The following CNTN5 variants were observed in gnomAD, a reference collection of about 807,000 sequenced individuals.
CNTN5 encodes contactin-5.
In CNTN5, 77 loss-of-function variants were observed where a neutral mutation model predicts 129.1. The observed-to-expected ratio is 0.60, with a 90% CI of 0.50 to 0.72. CNTN5 has a LOEUF of 0.72. Among genes scored for constraint, CNTN5 ranks in the 30% least tolerant of loss-of-function variants. CNTN5 has a pLI of 0.00. For missense variants in CNTN5, 1,478 were observed against 1,328.8 expected, an observed-to-expected ratio of 1.11 and a Z score of -1.75; for synonymous variants, 509 against 465.6, an observed-to-expected ratio of 1.09 and a Z score of -1.20.
chr11:99,051,196 C>A (rs1392707570), intron 1 of CNTN5, among the ~76,000 whole-genome samples: 1 of 151,826 alleles, frequency 6.6e-6, no homozygotes, highest in African/African-American at 2.4e-5. Flanking sequence ...ATCATATTAT[C>A]CTTTCTAATT....
intron 7 of CNTN5, among the ~76,000 whole-genome samples, chr11:99,938,921 C>G (rs1017246725): frequency 5.3e-5 from 8 of 151,854 alleles, no homozygotes; most frequent in Non-Finnish European, 1.2e-4. Flanking sequence ...ATCTAATTGC[C>G]TTATATCTGA....
intron 1 of CNTN5, chr11:99,120,081 T>G (rs949057002): frequency 6.6e-6 from 1 of 152,158 alleles, no homozygotes. Context: ...GTTGTCTGTT[T>G]ATTCTGTTGA....
At chr11:99,192,146 A>G (rs1046500981) in intron 1 of CNTN5, among the ~76,000 whole-genome samples, 8 of 151,778 alleles carry the variant, frequency 5.3e-5, no homozygotes, top group African/African-American at 1.9e-4. Flanking sequence ...TGGACTAGTT[A>G]TGACTAACAA....
At chr11:100,262,508 C>G (rs1179229185) in intron 17 of CNTN5, among the ~76,000 whole-genome samples, 1 of 152,130 alleles carries the variant, frequency 6.6e-6, no homozygotes, top group Non-Finnish European at 1.5e-5. Context: ...TACTGCAGCA[C>G]TATTCACAAT....
At chr11:100,149,872 C>G (rs575959072) in intron 13 of CNTN5, among the ~76,000 whole-genome samples, 1 of 130,692 alleles carries the variant, frequency 7.7e-6, no homozygotes. Flanking sequence ...CCAGCCTGGG[C>G]GACAGGGTGA....
At chr11:100,270,832 G>T (rs984885571) in intron 17 of CNTN5, among the ~76,000 whole-genome samples, 1 of 152,162 alleles carries the variant, frequency 6.6e-6, no homozygotes, top group Non-Finnish European at 1.5e-5. Flanking sequence ...AATTATTAGT[G>T]TACATAATGG....
At chr11:99,449,025 C>A (rs1011127735) in intron 2 of CNTN5, among the ~76,000 whole-genome samples, 2 of 151,970 alleles carry the variant, frequency 1.3e-5, no homozygotes, top group Admixed American at 1.3e-4. Context: ...TCAAGCGATT[C>A]GCCTGTCTTG....
At chr11:99,913,596 AT>A (rs1949716097) in intron 6 of CNTN5, among the ~76,000 whole-genome samples, 1 of 152,088 alleles carries the variant, frequency 6.6e-6, no homozygotes, top group African/African-American at 2.4e-5. Context: ...AAATAAAGCA[AT>A]TGGAGTGAAG....
rs183483202 is a variant in CNTN5, at chr11:99,313,881, A to G, written c.-209-11465A>G. 7.4e-3 allele frequency among the ~76,000 whole-genome samples: 1,128 copies of G among 152,110 alleles called. 11 individuals are homozygous for G. The highest frequency in any genetic ancestry group is 0.011 in the Admixed American group (174 of 15,260). ...TGCTTCATCCTTAGTCGTATCGTAG[A>G]CTTTCTTGACCCAATAAGGAATTTA... On this transcript the variant is annotated intron_variant, in intron 1 of 24. Transcript: ENST00000524871.
chr11:99,293,006 A>G (rs373224735), intron 1 of CNTN5, among the ~76,000 whole-genome samples: 3 of 152,136 alleles, frequency 2.0e-5, no homozygotes, highest in Admixed American at 6.5e-5. Context: ...TTTAATTTCT[A>G]TTGTTCATAG....
intron 21 of CNTN5, among the ~76,000 whole-genome samples, chr11:100,328,351 AAAATGAGACCGTGTCTC>A (rs1179565700): frequency 6.6e-6 from 1 of 152,148 alleles, no homozygotes; most frequent in Non-Finnish European, 1.5e-5. Flanking sequence ...CAGGACAAAT[AAAATGAGACCGTGTCTC>A]AAATGAGACC....
chr11:99,468,172 C>A (rs1945018977), intron 2 of CNTN5, among the ~76,000 whole-genome samples: 1 of 152,126 alleles, frequency 6.6e-6, no homozygotes, highest in African/African-American at 2.4e-5. Flanking sequence ...TGGGTGAACT[C>A]CCTCAGATAT....
chr11:99,520,396 T>C (rs1440904674), intron 2 of CNTN5, among the ~76,000 whole-genome samples: 2 of 152,138 alleles, frequency 1.3e-5, no homozygotes, highest in Non-Finnish European at 2.9e-5. Flanking sequence ...AAGGTAAACT[T>C]ACATGCTTTA....
chr11:100,215,998 C>A (rs17094638), intron 15 of CNTN5, among the ~76,000 whole-genome samples: 8,406 of 152,108 alleles, frequency 0.055, 763 homozygotes, highest in African/African-American at 0.19. Context: ...TCTGTGAGAC[C>A]AAACCACAAA....
At chr11:99,784,614 G>C (rs1036667116) in intron 3 of CNTN5, among the ~76,000 whole-genome samples, 1 of 151,910 alleles carries the variant, frequency 6.6e-6, no homozygotes, top group African/African-American at 2.4e-5. Flanking sequence ...GGGTCAAATG[G>C]TATTTCTGGT....
At chr11:99,654,720 T>C (rs1952285872) in intron 3 of CNTN5, among the ~76,000 whole-genome samples, 3 of 152,120 alleles carry the variant, frequency 2.0e-5, no homozygotes, top group Non-Finnish European at 4.4e-5. Flanking sequence ...GCATTTTCTA[T>C]AATGCTCGTT....
intron 2 of CNTN5, among the ~76,000 whole-genome samples, chr11:99,459,684 C>T (rs183438340): frequency 5.2e-4 from 79 of 152,008 alleles, no homozygotes; most frequent in African/African-American, 1.8e-3. Flanking sequence ...CACAGAGCAA[C>T]GAACAAGACA....
chr11:100,225,084 A>C (rs1185291705), intron 16 of CNTN5: 1 of 225,222 alleles, frequency 4.4e-6, no homozygotes, highest in African/African-American at 2.2e-5. Flanking sequence ...CCAAGGAAAT[A>C]ATCTAAACAG....
chr11:99,632,779 G>T (rs1408456212), intron 3 of CNTN5, among the ~76,000 whole-genome samples: 2 of 152,036 alleles, frequency 1.3e-5, no homozygotes, highest in Non-Finnish European at 2.9e-5. Context: ...TGCATTGATT[G>T]GCATTAGATT....
Sources: allele counts gnomAD v4.1 joint callset (sites outside exome capture counted in the v4.1 genomes callset), GRCh38; gene constraint gnomAD v4.1.1; transcripts MANE v1.5; gene names NCBI Gene and HGNC (gene_info 2026-07-23, HGNC 2026-07-21).